Variants in STX19 observed in about 807,000 individuals in gnomAD.
The protein encoded by STX19 is syntaxin 19, also known as syntaxin-19.
A neutral mutation model predicts 24.3 loss-of-function variants in STX19; 26 were observed. That is an observed-to-expected ratio of 1.07 (90% CI 0.78 to 1.48). STX19 has a LOEUF of 1.48. STX19 is among the 40% of genes most tolerant of loss of function. The probability of loss-of-function intolerance (pLI) is 0.00; values close to 1 mark genes in which losing one functional copy is unlikely to be tolerated. For synonymous variants in STX19, 116 were observed against 106.9 expected (o/e 1.09, Z -0.52); for missense variants, 367 against 331.9 (o/e 1.11, Z -0.82).
At chr3:94,026,571 G>A (rs1430886961) in intron 1 of STX19, among the ~76,000 whole-genome samples, 16 of 152,232 alleles carry the variant, frequency 1.1e-4, no homozygotes, top group Non-Finnish European at 8.8e-5. Flanking sequence ...GAATTAGAAT[G>A]TTAGGCAAAA....
chr3:94,021,504 A>G (rs2107004323), intron 1 of STX19, among the ~76,000 whole-genome samples: 1 of 152,224 alleles, frequency 6.6e-6, no homozygotes, highest in East Asian at 1.9e-4. Context: ...CAAATATTGT[A>G]TAAAATATTT....
At chr3:94,023,732 G>C (rs1390402151) in intron 1 of STX19, among the ~76,000 whole-genome samples, 1 of 152,036 alleles carries the variant, frequency 6.6e-6, no homozygotes, top group Non-Finnish European at 1.5e-5. Flanking sequence ...CTATTGAGTA[G>C]AAATTGGTTA....
intron 1 of STX19, among the ~76,000 whole-genome samples, chr3:94,022,859 A>G (rs1327536836): frequency 6.6e-6 from 1 of 152,078 alleles, no homozygotes; most frequent in African/African-American, 2.4e-5. Context: ...ATTAATTACC[A>G]AAGTTTTTCA....
At chr3:94,027,601 A>G (rs533603038) in intron 1 of STX19, among the ~76,000 whole-genome samples, 2 of 152,222 alleles carry the variant, frequency 1.3e-5, no homozygotes, top group South Asian at 2.1e-4. Context: ...TTTAAAATAC[A>G]TATAAAAGTC....
chr3:94,020,062 ATTAAC>A (rs1195514914), intron 1 of STX19, among the ~76,000 whole-genome samples: 1 of 152,132 alleles, frequency 6.6e-6, no homozygotes, highest in Non-Finnish European at 1.5e-5. Flanking sequence ...ACTTATTTAT[ATTAAC>A]TTAATTGTCT....
chr3:94,027,758 T>TA (rs1308938903), intron 1 of STX19, among the ~76,000 whole-genome samples: 1 of 148,026 alleles, frequency 6.8e-6, no homozygotes, highest in African/African-American at 2.4e-5. Flanking sequence ...TGCTAACACT[T>TA]ACGTTAAATG....
intron 1 of STX19, among the ~76,000 whole-genome samples, chr3:94,019,094 C>A (rs1365270287): frequency 6.6e-6 from 1 of 151,358 alleles, no homozygotes; most frequent in African/African-American, 2.4e-5. Flanking sequence ...TTTTTTTCTA[C>A]ATTTCATATG....
Position 94,014,965 on chromosome 3 carries a change from G to T in STX19, c.305C>A (p.Ala102Glu), listed in dbSNP as rs542820935. 3.1e-6 allele frequency: 5 copies of T among 1,613,882 alleles called. No individual in the cohort carries two copies. In the African/African-American group the frequency reaches 6.7e-5, roughly 22 times the overall value. ...ATTCAAACTTCTGTTGATGTATTCT[G>T]CCTGAATTTTTATCTCCTTTGTAAT... ...STITKEIKIQ[A>E]EYINRSLNDL... The change falls in exon 2 of 2, where the codon GCA becomes GAA. Residue 102 changes from alanine (A) to glutamate (E), a missense_variant. Transcript: ENST00000315099.
At chr3:94,020,557 A>G (rs1010847173) in intron 1 of STX19, among the ~76,000 whole-genome samples, 9 of 152,298 alleles carry the variant, frequency 5.9e-5, no homozygotes, top group Non-Finnish European at 8.8e-5. Context: ...AAAAGAGGCA[A>G]TTAGGTCAGT....
At chr3:94,016,608 G>A (rs866655044) in intron 1 of STX19, among the ~76,000 whole-genome samples, 1 of 151,554 alleles carries the variant, frequency 6.6e-6, no homozygotes, top group Non-Finnish European at 1.5e-5. Flanking sequence ...GTTCACAATA[G>A]TGTCTATGAA....
chr3:94,018,369 T>C (rs1424402673), intron 1 of STX19, among the ~76,000 whole-genome samples: 1 of 152,172 alleles, frequency 6.6e-6, no homozygotes, highest in African/African-American at 2.4e-5. Flanking sequence ...TTTTAACCCA[T>C]CAGCACTTAA....
intron 1 of STX19, among the ~76,000 whole-genome samples, chr3:94,026,021 CTTTT>C (rs548770030): frequency 1.4e-5 from 2 of 140,290 alleles, no homozygotes; most frequent in Non-Finnish European, 3.1e-5. Context: ...GAAAACTTCT[CTTTT>C]TTTTTTTTTT....
intron 1 of STX19, among the ~76,000 whole-genome samples, chr3:94,024,299 C>T (rs1234304530): frequency 1.3e-5 from 2 of 152,012 alleles, no homozygotes; most frequent in Non-Finnish European, 2.9e-5. Flanking sequence ...CTGGGTTGCA[C>T]CCGTGTAAAT....
Position 94,014,978 on chromosome 3 carries a change from T to C in STX19, c.292A>G (p.Ile98Val), listed in dbSNP as rs765056059. 2 of 1,614,032 alleles carry C rather than the reference T, an allele frequency of 1.2e-6. No individual in the cohort carries two copies. The highest frequency in any genetic ancestry group is 1.7e-6 in the Non-Finnish European group (2 of 1,179,952). ...LKRESTITKEIKIQAEYINRS... is the reference protein window; with the variant it reads ...LKRESTITKEVKIQAEYINRS... ...TTGATGTATTCTGCCTGAATTTTTA[T>C]CTCCTTTGTAATGGTAGACTCTCTC... The change falls in exon 2 of 2, where the codon ATA becomes GTA. Residue 98 changes from isoleucine to valine, a missense_variant. By Grantham distance (29) the Ile-to-Val change is conservative. Coordinates refer to ENST00000315099, the MANE Select transcript of STX19 (RefSeq NM_001001850.3).
intron 1 of STX19, among the ~76,000 whole-genome samples, chr3:94,016,040 T>C (rs558539332): frequency 6.6e-6 from 1 of 152,160 alleles, no homozygotes; most frequent in African/African-American, 2.4e-5. Context: ...AATAATGATA[T>C]TGACACTTAT....
intron 1 of STX19, among the ~76,000 whole-genome samples, chr3:94,023,336 A>G (rs940395277): frequency 2.0e-5 from 3 of 151,782 alleles, no homozygotes; most frequent in Non-Finnish European, 2.9e-5. Context: ...ATCTGTTTTT[A>G]TATTTCCTTT....
At chr3:94,020,987 C>A (rs1212366151) in intron 1 of STX19, among the ~76,000 whole-genome samples, 1 of 151,888 alleles carries the variant, frequency 6.6e-6, no homozygotes, top group Non-Finnish European at 1.5e-5. Flanking sequence ...GGAACAGTTT[C>A]TCTACCTTCA....
At chr3:94,026,021 C>CT (rs548770030) in intron 1 of STX19, among the ~76,000 whole-genome samples, 7,951 of 140,216 alleles carry the variant, frequency 0.057, 309 homozygotes, top group Admixed American at 0.1. Flanking sequence ...GAAAACTTCT[C>CT]TTTTTTTTTT....
rs150318636 is a variant in STX19 at position 94,015,745 on chromosome 3, G to A, written c.-13-463C>T. On this transcript the variant is annotated intron_variant, in intron 1 of 1. Transcript: ENST00000315099. Reference sequence around the variant, plus strand: ...TATGCATCATTCAGTTAAAACCATTGTAGTGACAGTACAGATTTTATATGA... The same window carrying A: ...TATGCATCATTCAGTTAAAACCATTATAGTGACAGTACAGATTTTATATGA... Among the ~76,000 whole-genome samples the A allele has an allele frequency of 1.4e-3, 219 of 152,204 alleles. 4 individuals are homozygous for A. The highest frequency in any genetic ancestry group is 5.8e-3 in the East Asian group (30 of 5,178).
Sources: allele counts gnomAD v4.1 joint callset (sites outside exome capture counted in the v4.1 genomes callset), GRCh38; gene constraint gnomAD v4.1.1; transcripts MANE v1.5; gene names NCBI Gene and HGNC (gene_info 2026-07-23, HGNC 2026-07-21).